The following TMPRSS6 variants were observed in gnomAD, a reference collection of about 807,000 sequenced individuals.
The protein encoded by TMPRSS6 is transmembrane serine protease 6, also known as transmembrane protease serine 6.
A neutral mutation model predicts 101.5 loss-of-function variants in TMPRSS6; 67 were observed. The observed-to-expected ratio is 0.66, with a 90% CI of 0.54 to 0.81. The LOEUF (loss-of-function observed/expected upper bound fraction) is 0.81. Among genes scored for constraint, TMPRSS6 ranks in the 30% least tolerant of loss-of-function variants. The pLI, the probability that TMPRSS6 is intolerant of heterozygous loss-of-function variation, is 0.00. For missense variants in TMPRSS6, 1,034 were observed against 1,088.7 expected (o/e 0.95, Z 0.71); for synonymous variants, 453 against 464.9 (o/e 0.97, Z 0.33).
At chr22:37,097,045 T>C (rs973772823) in intron 3 of TMPRSS6, among the ~76,000 whole-genome samples, 11 of 152,180 alleles carry the variant, frequency 7.2e-5, no homozygotes, top group African/African-American at 2.7e-4. Flanking sequence ...CCTCCTCCCA[T>C]GGCCTGGGAC....
chr22:37,098,848 G>T (rs1442228243), intron 2 of TMPRSS6, among the ~76,000 whole-genome samples: 1 of 152,182 alleles, frequency 6.6e-6, no homozygotes, highest in African/African-American at 2.4e-5. Flanking sequence ...GGACACCAAT[G>T]ACATGAAGGC....
At position 37,095,965 on chromosome 22, in the gene TMPRSS6, G is replaced by A. The variant is rs139489941; in HGVS notation, c.530C>T (p.Ser177Leu). Reference sequence around the variant, plus strand: ...CTCGGCCCTGTAGGGGACGGCAGCCGAGCTGTTGACTGTGGACAGCAGCTC... The same window carrying A: ...CTCGGCCCTGTAGGGGACGGCAGCCAAGCTGTTGACTGTGGACAGCAGCTC... ...VEELLSTVNS[S>L]AAVPYRAEYE... is the part of the protein sequence containing the mutation. The change falls in exon 5 of 18, where the codon TCG (serine) becomes TTG (leucine). Residue 177 changes from serine to leucine, a missense_variant. Ser to Leu is a moderately radical substitution (Grantham distance 145, BLOSUM62 -2). Coordinates refer to ENST00000676104, the MANE Select transcript of TMPRSS6 (RefSeq NM_001374504.1). 237 of 1,614,142 alleles carry A rather than the reference G, an allele frequency of 1.5e-4. 1 individual carries two copies. The highest frequency in any genetic ancestry group is 1.3e-3 in the African/African-American group (99 of 75,054).
intron 8 of TMPRSS6, 99 bp downstream of exon 8, chr22:37,086,184 T>C: frequency 1.3e-6 from 2 of 1,527,038 alleles, no homozygotes; most frequent in Non-Finnish European, 1.8e-6. Flanking sequence ...CCCCATCCCA[T>C]CCTCAATTTG....
intron 10 of TMPRSS6, among the ~76,000 whole-genome samples, chr22:37,078,779 GAGGAGAAGAAGA>G (rs1601534646): frequency 1.3e-5 from 2 of 148,868 alleles, no homozygotes; most frequent in Non-Finnish European, 3.0e-5. Context: ...GGAGAAGGAG[GAGGAGAAGAAGA>G]AGGAGGAGGA....
intron 2 of TMPRSS6, among the ~76,000 whole-genome samples, chr22:37,102,359 C>T (rs1930393227): frequency 6.6e-6 from 1 of 152,208 alleles, no homozygotes; most frequent in Non-Finnish European, 1.5e-5. Context: ...ACAGGAGGTG[C>T]TTGGCACTGA....
chr22:37,085,917 T>G (rs1601547401), intron 8 of TMPRSS6, among the ~76,000 whole-genome samples: 61 of 125,512 alleles, frequency 4.9e-4, no homozygotes, highest in African/African-American at 6.1e-4. Context: ...AGGGAGGGGG[T>G]GAGGGGCAGA....
intron 1 of TMPRSS6, among the ~76,000 whole-genome samples, chr22:37,104,381 C>CT (rs1930580964): frequency 6.6e-6 from 1 of 152,210 alleles, no homozygotes; most frequent in Non-Finnish European, 1.5e-5. Context: ...GTCTAGATGT[C>CT]TGACTCCCTG....
intron 1 of TMPRSS6, among the ~76,000 whole-genome samples, chr22:37,105,449 C>T (rs1930656095): frequency 6.6e-6 from 1 of 152,236 alleles, no homozygotes; most frequent in South Asian, 2.1e-4. Context: ...AGACCAGTAA[C>T]AGGGTGCTGA....
chr22:37,098,638 C>T, intron 2 of TMPRSS6, 89 bp from the exon 3 acceptor site: 1 of 1,587,302 alleles, frequency 6.3e-7, no homozygotes, highest in Non-Finnish European at 8.6e-7. Flanking sequence ...CACCCACACC[C>T]TCAGCTCAGC....
At chr22:37,107,389 T>TA (rs1257904542) in intron 1 of TMPRSS6, among the ~76,000 whole-genome samples, 1 of 152,058 alleles carries the variant, frequency 6.6e-6, no homozygotes, top group Non-Finnish European at 1.5e-5. Context: ...TTGTCTTTAC[T>TA]ATCTTATAAT....
chr22:37,075,704 A>T (rs1267932261), intron 10 of TMPRSS6, among the ~76,000 whole-genome samples: 2 of 152,158 alleles, frequency 1.3e-5, no homozygotes, highest in African/African-American at 4.8e-5. Context: ...GGAGTTCGAG[A>T]CCAGACTGAC....
At chr22:37,074,797 G>A (rs1927469253) in intron 11 of TMPRSS6, 89 bp from the exon 12 acceptor site, 1 of 1,369,988 alleles carries the variant, frequency 7.3e-7, no homozygotes, top group East Asian at 2.4e-5. Context: ...GCATGCACCT[G>A]TTCACTCACA....
intron 16 of TMPRSS6, among the ~76,000 whole-genome samples, chr22:37,067,433 C>T (rs1926406022): frequency 6.6e-6 from 1 of 152,154 alleles, no homozygotes. Context: ...CGCCATTGCA[C>T]TCCAGCCTGG....
In TMPRSS6 at chr22:37,096,846, G is replaced by T; in HGVS notation, c.337-131C>A. 5 of 903,312 alleles carry T rather than the reference G, an allele frequency of 5.5e-6. No individual in the cohort carries two copies. In the South Asian group the frequency reaches 7.1e-5, roughly 13 times the overall value. The allele number at this position is 903,312 out of a possible 1,614,324, so 56.0% of individuals were successfully genotyped here. A position where few individuals can be genotyped will look rare whatever the true frequency, so the allele number is the denominator to read the frequency against. On this transcript the variant is annotated intron_variant, in intron 3 of 17. Coordinates refer to ENST00000676104, the MANE Select transcript of TMPRSS6 (RefSeq NM_001374504.1). ...ATGATTCTCCAAGGTGGACAGGCTT[G>T]ATCACGGTCACACAGTGCTGAGTGG...
At chr22:37,088,174 G>A (rs1928933934) in intron 7 of TMPRSS6, among the ~76,000 whole-genome samples, 1 of 152,156 alleles carries the variant, frequency 6.6e-6, no homozygotes, top group Non-Finnish European at 1.5e-5. Flanking sequence ...GGACCTGGAA[G>A]TCAGATGGTG....
At position 37,069,124 on chromosome 22, in the gene TMPRSS6, C is replaced by T. The variant is rs897224521; in HGVS notation, c.2062G>A (p.Glu688Lys). 2.6e-6 allele frequency: 4 copies of T among 1,564,628 alleles called. No homozygotes were observed. Among genetic ancestry groups the T allele is most frequent in the Admixed American group, 1.9e-5 (1 of 53,700 alleles). ...VCLPARSHFF[E>K]PGLHCWITGW... is the part of the protein sequence containing the mutation. Reference sequence around the variant, plus strand: ...GTAATCCAGCAGTGCAGGCCGGGCTCGAAGAAGTGGGAGCGCGCGGGCAGG... The same window carrying T: ...GTAATCCAGCAGTGCAGGCCGGGCTTGAAGAAGTGGGAGCGCGCGGGCAGG... Residue 688 changes from glutamate to lysine, a missense_variant, in exon 16 of 18, where the codon GAG (glutamate) becomes AAG (lysine). By Grantham distance (56) the Glu-to-Lys change is moderately conservative (BLOSUM62 1). Coordinates refer to ENST00000676104, the MANE Select transcript of TMPRSS6 (RefSeq NM_001374504.1). This position sits in a 1 kb window ranked among gnomAD's most constrained non-coding sequence, Gnocchi z 4.8.
chr22:37,109,424 C>G (rs1184830649), intron 1 of TMPRSS6, 79 bp downstream of exon 1: 2 of 152,362 alleles, frequency 1.3e-5, no homozygotes, highest in Admixed American at 6.5e-5. Context: ...TGCAGGGAGC[C>G]AGGCCCAGCT....
At position 37,084,259 on chromosome 22, in the gene TMPRSS6, A is replaced by G. The variant is rs770624106; in HGVS notation, c.1196+36T>C. 1.9e-6 allele frequency: 3 copies of G among 1,554,654 alleles called. No individual in the cohort carries two copies. The African/African-American group carries it at 4.1e-5, about 21-fold the overall frequency. ...GGAGGGAAGAGAGGGAGGGGGAGGG[A>G]GGAAAGGAAGCCAGAGGGAGGAGAG... On this transcript the variant is annotated intron_variant, in intron 10 of 17. Transcript: ENST00000676104.
Position 37,103,524 on chromosome 22 carries a change from G to A in TMPRSS6, c.-1-106C>T. ...GCAGGACTTCCCTGCCTTTTGGAGTGGAAGAGTAACAACATCAGGCGGCAG... is the reference window on the plus strand; with the variant it reads ...GCAGGACTTCCCTGCCTTTTGGAGTAGAAGAGTAACAACATCAGGCGGCAG... On this transcript the variant is annotated intron_variant, in intron 1 of 17. Transcript: ENST00000676104. The surrounding 1 kb of genome is among the most constrained non-coding windows in gnomAD (Gnocchi z 4.4). 1 of 1,614,144 alleles carries A rather than the reference G, an allele frequency of 6.2e-7. No homozygotes were observed. The highest frequency in any genetic ancestry group is 8.5e-7 in the Non-Finnish European group (1 of 1,180,028).
Sources: gnomAD v4.1 joint callset for allele counts (sites outside exome capture counted in the v4.1 genomes callset) on GRCh38, gnomAD v4.1.1 for gene constraint, Gnocchi (gnomAD v3.1) non-coding constraint, MANE v1.5 for transcripts, NCBI Gene and HGNC (gene_info 2026-07-23, HGNC 2026-07-21) for gene names.